GEMIN2: variants seen among roughly 807,000 people sequenced by gnomAD.
GEMIN2 encodes the protein gem nuclear organelle associated protein 2, also known as gem-associated protein 2.
GEMIN2 carries 37 observed loss-of-function variants against 45.8 expected under a neutral mutation model. That is an observed-to-expected ratio of 0.81 (90% confidence interval 0.62 to 1.06). The LOEUF is 1.06. GEMIN2 is among the 50% of genes least tolerant of loss of function. The pLI is 0.00. For missense variants in GEMIN2, 335 were observed against 321.8 expected (o/e 1.04, Z -0.31); for synonymous variants, 101 against 111.5 (o/e 0.91, Z 0.60).
chr14:39,130,881 C>T (rs555722986), intron 7 of GEMIN2, among the ~76,000 whole-genome samples: 11 of 144,838 alleles, frequency 7.6e-5, no homozygotes, highest in East Asian at 2.1e-4. Flanking sequence ...GATGACAGAA[C>T]GAGACTCCAT....
intron 5 of GEMIN2, among the ~76,000 whole-genome samples, chr14:39,124,740 T>C (rs2052618880): frequency 6.6e-6 from 1 of 151,894 alleles, no homozygotes; most frequent in Admixed American, 6.6e-5. Flanking sequence ...GCCACTACAC[T>C]CCAGCCTGGG....
intron 3 of GEMIN2, 44 bp from the exon 4 acceptor site, chr14:39,118,495 AT>A: frequency 1.1e-6 from 1 of 870,488 alleles, no homozygotes; most frequent in Non-Finnish European, 2.0e-6. Flanking sequence ...TCAGTTATCC[AT>A]TTTTTGAAGA....
At chr14:39,124,511 C>A (rs1358944333) in intron 5 of GEMIN2, among the ~76,000 whole-genome samples, 2 of 152,084 alleles carry the variant, frequency 1.3e-5, no homozygotes, top group African/African-American at 4.8e-5. Context: ...TGGCTCATGC[C>A]TGTAATCACA....
intron 6 of GEMIN2, among the ~76,000 whole-genome samples, chr14:39,125,680 A>G (rs988608193): frequency 6.6e-6 from 1 of 152,144 alleles, no homozygotes; most frequent in Admixed American, 6.5e-5. Flanking sequence ...ATCTGTACTA[A>G]GGTTAGATTG....
intron 4 of GEMIN2, among the ~76,000 whole-genome samples, chr14:39,119,481 G>A (rs1044887641): frequency 9.9e-5 from 15 of 152,180 alleles, no homozygotes; most frequent in African/African-American, 3.6e-4. Context: ...ATTGTCTCAG[G>A]ACAGTAGTTT....
chr14:39,123,532 C>T (rs1242137651), intron 5 of GEMIN2, among the ~76,000 whole-genome samples: 1 of 151,166 alleles, frequency 6.6e-6, no homozygotes, highest in Non-Finnish European at 1.5e-5. Context: ...TTTGATACAC[C>T]ATATTGACAA....
At chr14:39,120,879 A>T (rs2052565320) in intron 4 of GEMIN2, among the ~76,000 whole-genome samples, 1 of 152,152 alleles carries the variant, frequency 6.6e-6, no homozygotes. Context: ...CATCCTAAGG[A>T]TTTAATGAAA....
intron 6 of GEMIN2, among the ~76,000 whole-genome samples, chr14:39,126,558 T>C (rs2052643253): frequency 6.6e-6 from 1 of 152,226 alleles, no homozygotes; most frequent in East Asian, 1.9e-4. Context: ...TGCATTAAGA[T>C]ATTGTAGCAG....
At chr14:39,114,747 G>A in intron 1 of GEMIN2, 82 bp from the exon 2 acceptor site, 1 of 815,024 alleles carries the variant, frequency 1.2e-6, no homozygotes, top group Non-Finnish European at 2.1e-6. Flanking sequence ...ACAATGAACT[G>A]TGGAAGTGGA....
chr14:39,129,135 T>C (rs755708441), intron 7 of GEMIN2, among the ~76,000 whole-genome samples: 2 of 152,126 alleles, frequency 1.3e-5, no homozygotes, highest in Non-Finnish European at 2.9e-5. Context: ...GAAATAAATA[T>C]ATGGTTTTTT....
intron 6 of GEMIN2, among the ~76,000 whole-genome samples, chr14:39,127,789 GC>G (rs1281832061): frequency 6.6e-6 from 1 of 152,114 alleles, no homozygotes; most frequent in African/African-American, 2.4e-5. Context: ...CCTCACTGGG[GC>G]TAGGCGCGGT....
intron 4 of GEMIN2, among the ~76,000 whole-genome samples, chr14:39,121,283 G>A (rs1382518082): frequency 2.0e-5 from 3 of 152,156 alleles, no homozygotes; most frequent in African/African-American, 7.2e-5. Flanking sequence ...TGTAATCCCA[G>A]CACTTTGGGA....
At chr14:39,133,557 A>G (rs2052747448) in intron 8 of GEMIN2, 104 bp from the exon 9 acceptor site, 1 of 546,472 alleles carries the variant, frequency 1.8e-6, no homozygotes, top group Admixed American at 3.6e-5. Flanking sequence ...GATTACTGTC[A>G]TATAATAAAG....
intron 7 of GEMIN2, among the ~76,000 whole-genome samples, chr14:39,129,756 G>A (rs35666417): frequency 0.29 from 44,365 of 151,434 alleles, 7,621 homozygotes; most frequent in Non-Finnish European, 0.38. Flanking sequence ...GTGTGTGTGT[G>A]TATATACATA....
At chr14:39,121,117 A>G (rs2052567758) in intron 4 of GEMIN2, among the ~76,000 whole-genome samples, 1 of 152,066 alleles carries the variant, frequency 6.6e-6, no homozygotes, top group Non-Finnish European at 1.5e-5. Context: ...ACATGGGATA[A>G]ATATCCTTCA....
chr14:39,133,014 GTGTGTGTGTGTGTATA>G (rs2052738814), intron 8 of GEMIN2, among the ~76,000 whole-genome samples: 3 of 126,172 alleles, frequency 2.4e-5, no homozygotes, highest in African/African-American at 9.9e-5. Flanking sequence ...ATATATGTGT[GTGTGTGTGTGTGTATA>G]TATATATATC....
rs1369972840 is a variant in GEMIN2 at position 39,136,428 on chromosome 14, T to C, written c.771-12T>C. On this transcript the variant is annotated splice_polypyrimidine_tract_variant and intron_variant, in intron 9 of 9. Coordinates refer to ENST00000308317, the MANE Select transcript of GEMIN2 (RefSeq NM_003616.3). Reference sequence around the variant, plus strand: ...ATCTTTATACATAAATTTTTTGTTTTTTTTTTACTAGGTATTTTGACCAAC... The same window carrying C: ...ATCTTTATACATAAATTTTTTGTTTCTTTTTTACTAGGTATTTTGACCAAC... The C allele has an allele frequency of 8.4e-6, 12 of 1,437,088 alleles. No individual in the cohort carries two copies. Among genetic ancestry groups the C allele is most frequent in the Admixed American group, 1.7e-5 (1 of 59,608 alleles). 89.0% of individuals were successfully genotyped at this position (1,437,088 alleles called of 1,614,324 possible). A position where few individuals can be genotyped will look rare whatever the true frequency, so the allele number is the denominator to read the frequency against.
Position 39,132,534 on chromosome 14 carries a change from A to G in GEMIN2, c.711+466A>G, listed in dbSNP as rs528192925. On this transcript the variant is annotated intron_variant, in intron 8 of 9. Coordinates refer to ENST00000308317, the MANE Select transcript of GEMIN2 (RefSeq NM_003616.3). ...CAACAGAGCAAGACTCTGTCTCAAA[A>G]AAGAAGTAGGTAAAAAAATTAGATT... Among the ~76,000 whole-genome samples, 3 of 152,204 alleles carry G rather than the reference A, an allele frequency of 2.0e-5. No homozygotes were observed. In the South Asian group the frequency reaches 6.2e-4, roughly 32 times the overall value.
rs908922766 is a variant in GEMIN2 at position 39,123,529 on chromosome 14, C to T, written c.486+986C>T. The stretch of plus-strand genomic sequence containing the variant: ...ACATATTGGCCAAGAAAGTTTGATA[C>T]ACCATATTGACAAGAGCTGGGGAAA... On this transcript the variant is annotated intron_variant, in intron 5 of 9. Transcript: ENST00000308317. Among the ~76,000 whole-genome samples the T allele has an allele frequency of 7.3e-5, 11 of 151,534 alleles. No homozygotes were observed. In the East Asian group the frequency reaches 1.2e-3, roughly 16 times the overall value.
Sources: allele counts gnomAD v4.1 joint callset (sites outside exome capture counted in the v4.1 genomes callset), GRCh38; gene constraint gnomAD v4.1.1; transcripts MANE v1.5; gene names NCBI Gene and HGNC (gene_info 2026-07-23, HGNC 2026-07-21).